CPA6: variants seen among roughly 807,000 people sequenced by gnomAD.
The protein encoded by CPA6 is carboxypeptidase B.
In CPA6, 58 loss-of-function variants were observed where a neutral mutation model predicts 63.3. The ratio of observed to expected loss-of-function variants is 0.92; its 90% CI spans 0.74 to 1.14. The LOEUF (loss-of-function observed/expected upper bound fraction) is 1.14, where lower values mean the gene tolerates loss of function less well. Ranked by LOEUF, CPA6 falls within the 50% of genes most tolerant of loss-of-function variation. CPA6 has a pLI of 0.00. For synonymous variants in CPA6, 185 were observed against 179.0 expected (o/e 1.03, Z -0.27); for missense variants, 565 against 526.6 (o/e 1.07, Z -0.71).
At chr8:67,596,172 C>A (rs917938661) in intron 2 of CPA6, among the ~76,000 whole-genome samples, 6 of 152,118 alleles carry the variant, frequency 3.9e-5, no homozygotes, top group Admixed American at 3.3e-4. Flanking sequence ...ATACCTTCTC[C>A]CGAGGAACAC....
In CPA6 at chr8:67,492,475, G is replaced by GTTT. The variant is rs140303912; in HGVS notation, c.637-7689_637-7687dup. Among the ~76,000 whole-genome samples the GTTT allele has an allele frequency of 8.9e-3, 1,320 of 148,270 alleles. 23 individuals are homozygous for GTTT. Among genetic ancestry groups the GTTT allele is most frequent in the African/African-American group, 0.031 (1,255 of 40,570 alleles). ...CACAATCCAAACTACCCTTTATAAGGTTTTTTTTTTACAAAGAAATAAGAC... is the reference window on the plus strand; with the variant it reads ...CACAATCCAAACTACCCTTTATAAGGTTTTTTTTTTTTTACAAAGAAATAAGAC... On this transcript the variant is annotated intron_variant, in intron 6 of 10. Transcript: ENST00000297770.
At chr8:67,503,025 AT>A (rs1811859708) in intron 6 of CPA6, among the ~76,000 whole-genome samples, 1 of 151,724 alleles carries the variant, frequency 6.6e-6, no homozygotes, top group Non-Finnish European at 1.5e-5. Flanking sequence ...TGATTTTTTA[AT>A]TTCTATTTAT....
intron 2 of CPA6, among the ~76,000 whole-genome samples, chr8:67,567,052 C>A (rs1315859615): frequency 2.6e-5 from 4 of 152,188 alleles, no homozygotes; most frequent in Non-Finnish European, 5.9e-5. Context: ...TATCAGTTGG[C>A]ACTTGGACAG....
At chr8:67,482,753 A>T (rs1811386281) in intron 8 of CPA6, among the ~76,000 whole-genome samples, 1 of 152,236 alleles carries the variant, frequency 6.6e-6, no homozygotes, top group East Asian at 1.9e-4. Flanking sequence ...ATACTTTCAT[A>T]GATTGAATAA....
chr8:67,424,157 T>C (rs536249818), intron 10 of CPA6, among the ~76,000 whole-genome samples: 1 of 152,240 alleles, frequency 6.6e-6, no homozygotes, highest in Non-Finnish European at 1.5e-5. Flanking sequence ...ACTGTCTAAT[T>C]GCAGGAAAAC....
At chr8:67,672,777 G>T (rs1303074195) in intron 1 of CPA6, among the ~76,000 whole-genome samples, 1 of 152,160 alleles carries the variant, frequency 6.6e-6, no homozygotes, top group Non-Finnish European at 1.5e-5. Context: ...CCCACAAAAT[G>T]ATGTTTTGCT....
At chr8:67,660,295 G>A (rs1422299773) in intron 1 of CPA6, among the ~76,000 whole-genome samples, 1 of 147,354 alleles carries the variant, frequency 6.8e-6, no homozygotes, top group Non-Finnish European at 1.5e-5. Flanking sequence ...GTAGTATTTG[G>A]CACATGGTAA....
chr8:67,590,357 C>T (rs1265591143), intron 2 of CPA6, among the ~76,000 whole-genome samples: 2 of 151,562 alleles, frequency 1.3e-5, no homozygotes, highest in African/African-American at 4.9e-5. Flanking sequence ...CATACGTGTG[C>T]ATGTGTCTTT....
intron 2 of CPA6, among the ~76,000 whole-genome samples, chr8:67,587,960 T>C (rs58204772): frequency 0.013 from 1,936 of 152,254 alleles, 44 homozygotes; most frequent in African/African-American, 0.044. Context: ...GTTGAATGAA[T>C]AGGCTAACAG....
In CPA6 at chr8:67,664,498, G is replaced by T. The variant is rs543360799; in HGVS notation, c.117-40247C>A. On this transcript the variant is annotated intron_variant, in intron 1 of 10. Transcript: ENST00000297770. ...AATACAGAGAGAGGGCTGGCCTCTAGCCCACTGTGCACCTGCTGCCTTCTC... is the reference window on the plus strand; with the variant it reads ...AATACAGAGAGAGGGCTGGCCTCTATCCCACTGTGCACCTGCTGCCTTCTC... Among the ~76,000 whole-genome samples the T allele has an allele frequency of 5.9e-5, 9 of 152,274 alleles. No homozygotes were observed. In the South Asian group the frequency reaches 1.9e-3, roughly 32 times the overall value.
At chr8:67,515,738 T>C (rs553417601) in intron 3 of CPA6, among the ~76,000 whole-genome samples, 1 of 152,212 alleles carries the variant, frequency 6.6e-6, no homozygotes, top group African/African-American at 2.4e-5. Context: ...GGCTACCTGT[T>C]CTTGACTGCA....
At chr8:67,528,966 G>C (rs1197449637) in intron 2 of CPA6, among the ~76,000 whole-genome samples, 4 of 151,060 alleles carry the variant, frequency 2.6e-5, no homozygotes, top group African/African-American at 9.7e-5. Context: ...TGCAAGAGTG[G>C]AGAAAGACTA....
At chr8:67,606,216 G>T (rs1814633914) in intron 2 of CPA6, among the ~76,000 whole-genome samples, 1 of 150,646 alleles carries the variant, frequency 6.6e-6, no homozygotes, top group Non-Finnish European at 1.5e-5. Flanking sequence ...AGCATTAGGA[G>T]ATATACCTAA....
In CPA6 at chr8:67,475,876, TTTCTCCTTTCTTTC is replaced by T. The variant is rs1563967986; in HGVS notation, c.838+7878_838+7891del. 8.7e-4 allele frequency among the ~76,000 whole-genome samples: 67 copies of T among 77,406 alleles called. 1 individual carries two copies. Among genetic ancestry groups the T allele is most frequent in the African/African-American group, 2.9e-3 (54 of 18,928 alleles). 50.8% of individuals were successfully genotyped at this position (77,406 alleles called of 152,430 possible). A position where few individuals can be genotyped will look rare whatever the true frequency, so the allele number is the denominator to read the frequency against. ...CTTTCTTTCTTTCTTTCTTTCTTTCTTTCTCCTTTCTTTCTTTCTTTCTTTCTTTCTTTCTTTCT... is the reference window on the plus strand; with the variant it reads ...CTTTCTTTCTTTCTTTCTTTCTTTCTTTTCTTTCTTTCTTTCTTTCTTTCT... On this transcript the variant is annotated intron_variant, in intron 8 of 10. Coordinates refer to ENST00000297770, the MANE Select transcript of CPA6 (RefSeq NM_020361.5).
At chr8:67,475,814 TTTCCTTTCTTTTC>T (rs1563967523) in intron 8 of CPA6, among the ~76,000 whole-genome samples, 56 of 59,900 alleles carry the variant, frequency 9.3e-4, no homozygotes, top group Admixed American at 3.8e-3. Context: ...TCTTTCTTTC[TTTCCTTTCTTTTC>T]TTTCTTTCTT....
intron 10 of CPA6, among the ~76,000 whole-genome samples, chr8:67,424,699 G>A (rs1809846065): frequency 6.6e-6 from 1 of 152,142 alleles, no homozygotes; most frequent in African/African-American, 2.4e-5. Context: ...TATATACTGT[G>A]TCTACATCCT....
intron 1 of CPA6, among the ~76,000 whole-genome samples, chr8:67,710,945 A>C (rs1817247080): frequency 6.6e-6 from 1 of 152,246 alleles, no homozygotes; most frequent in Non-Finnish European, 1.5e-5. Context: ...TTAGTAATAA[A>C]AAAAATACAA....
intron 2 of CPA6, among the ~76,000 whole-genome samples, chr8:67,540,706 G>C (rs1563992082): frequency 6.6e-6 from 1 of 152,258 alleles, no homozygotes; most frequent in Non-Finnish European, 1.5e-5. Context: ...CCTGCCCAGA[G>C]AGGAGGAATC....
intron 2 of CPA6, among the ~76,000 whole-genome samples, chr8:67,601,946 C>T (rs1413454057): frequency 6.6e-6 from 1 of 152,114 alleles, no homozygotes; most frequent in Non-Finnish European, 1.5e-5. Context: ...TTTATAACAG[C>T]ATAAGATTTG....
Sources: allele counts gnomAD v4.1 joint callset (sites outside exome capture counted in the v4.1 genomes callset), GRCh38; gene constraint gnomAD v4.1.1; transcripts MANE v1.5; gene names NCBI Gene and HGNC (gene_info 2026-07-23, HGNC 2026-07-21).